The following DPP10 variants were observed in gnomAD, a reference collection of about 807,000 sequenced individuals.
DPP10 encodes the protein dipeptidyl peptidase like 10.
DPP10 carries 33 observed loss-of-function variants against 120.9 expected under a neutral mutation model. The observed-to-expected ratio is 0.27, with a 90% CI of 0.21 to 0.37. DPP10 has a LOEUF of 0.37. DPP10 is among the 10% of genes least tolerant of loss of function. The pLI, the probability that DPP10 is intolerant of heterozygous loss-of-function variation, is 1.00. For synonymous variants in DPP10, 337 were observed against 326.1 expected, an observed-to-expected ratio of 1.03 and a Z score of -0.36; for missense variants, 816 against 942.8, an observed-to-expected ratio of 0.87 and a Z score of 1.76.
At chr2:115,802,426 T>G (rs1482951672) in intron 19 of DPP10, among the ~76,000 whole-genome samples, 1 of 152,156 alleles carries the variant, frequency 6.6e-6, no homozygotes, top group African/African-American at 2.4e-5. Context: ...GTGTCTCTAT[T>G]TCTTTCAGTT....
At chr2:115,502,338 C>T (rs1447142403) in intron 4 of DPP10, among the ~76,000 whole-genome samples, 2 of 151,990 alleles carry the variant, frequency 1.3e-5, no homozygotes, top group Non-Finnish European at 2.9e-5. Flanking sequence ...AGGTGGATTT[C>T]TAATGAAAGG....
intron 1 of DPP10, among the ~76,000 whole-genome samples, chr2:115,277,521 T>C (rs2059970870): frequency 6.7e-6 from 1 of 148,312 alleles, no homozygotes. Flanking sequence ...TACATGACAT[T>C]ATGTTACAGA....
rs538477421 is a variant in DPP10 at position 114,607,866 on chromosome 2, T to G, written c.60+165028T>G. On this transcript the variant is annotated intron_variant, in intron 1 of 25. Coordinates refer to ENST00000410059, the MANE Select transcript of DPP10 (RefSeq NM_020868.6). ...GAGTGCCACCGCACCAACCCCAAAC[T>G]ATTGTTTCTGGACCCAGTGTGGTCT... Among the ~76,000 whole-genome samples the G allele has an allele frequency of 7.9e-5, 12 of 152,312 alleles. No homozygotes were observed. The South Asian group carries it at 2.5e-3, about 32-fold the overall frequency.
At chr2:115,267,664 C>T (rs962519254) in intron 1 of DPP10, among the ~76,000 whole-genome samples, 5 of 152,058 alleles carry the variant, frequency 3.3e-5, no homozygotes, top group African/African-American at 7.2e-5. Context: ...TTTCCTTCCT[C>T]GAGGCATTTG....
intron 1 of DPP10, among the ~76,000 whole-genome samples, chr2:114,651,708 C>A (rs1350061188): frequency 6.6e-6 from 1 of 151,938 alleles, no homozygotes; most frequent in African/African-American, 2.4e-5. Context: ...TCTGAGGATG[C>A]CACTTTTCTC....
At chr2:115,654,203 T>C (rs2149386564) in intron 5 of DPP10, among the ~76,000 whole-genome samples, 1 of 151,918 alleles carries the variant, frequency 6.6e-6, no homozygotes, top group South Asian at 2.1e-4. Flanking sequence ...TTATAATCTT[T>C]TATTTAACAT....
At chr2:114,926,804 A>T (rs1260950493) in intron 1 of DPP10, among the ~76,000 whole-genome samples, 1 of 151,782 alleles carries the variant, frequency 6.6e-6, no homozygotes, top group Non-Finnish European at 1.5e-5. Flanking sequence ...TTAAAGTGGC[A>T]CCAAGTCATA....
intron 4 of DPP10, 40 bp from the exon 5 acceptor site, chr2:115,525,858 G>A: frequency 3.4e-6 from 5 of 1,473,734 alleles, no homozygotes; most frequent in Non-Finnish European, 4.6e-6. Flanking sequence ...TTCATGTTAA[G>A]AAGTTTTTAA....
chr2:114,627,622 G>A lies in DPP10; in HGVS notation c.60+184784G>A, dbSNP rs115937524. On this transcript the variant is annotated intron_variant, in intron 1 of 25. Transcript: ENST00000410059. ...AGCTGGGATTTTTTTTAGGTAGGGG[G>A]AGGGAGCGGAAGTAAAAACAGAAGA... Among the ~76,000 whole-genome samples, 810 of 152,168 alleles carry A rather than the reference G, an allele frequency of 5.3e-3. 11 individuals are homozygous for A. Among genetic ancestry groups the A allele is most frequent in the African/African-American group, 0.019 (770 of 41,552 alleles).
intron 1 of DPP10, among the ~76,000 whole-genome samples, chr2:114,736,409 G>T (rs766310748): frequency 6.6e-6 from 1 of 152,176 alleles, no homozygotes; most frequent in Non-Finnish European, 1.5e-5. Flanking sequence ...TCTGATGAAT[G>T]AAGGAATGAA....
chr2:115,698,046 C>T (rs2091690077), intron 7 of DPP10, among the ~76,000 whole-genome samples: 1 of 152,084 alleles, frequency 6.6e-6, no homozygotes, highest in South Asian at 2.1e-4. Flanking sequence ...GTATACAGAA[C>T]ACTCAACCTA....
chr2:114,683,140 G>T (rs1173855343), intron 1 of DPP10, among the ~76,000 whole-genome samples: 1 of 151,908 alleles, frequency 6.6e-6, no homozygotes, highest in African/African-American at 2.4e-5. Context: ...ATACCTTATC[G>T]AGGTACAATA....
intron 19 of DPP10, among the ~76,000 whole-genome samples, chr2:115,813,302 C>G (rs1686863079): frequency 6.6e-6 from 1 of 152,148 alleles, no homozygotes; most frequent in African/African-American, 2.4e-5. Context: ...AGTCAAAGAT[C>G]AATGTGCCAG....
chr2:114,714,746 G>T (rs977089812), intron 1 of DPP10, among the ~76,000 whole-genome samples: 1 of 151,950 alleles, frequency 6.6e-6, no homozygotes, highest in East Asian at 1.9e-4. Context: ...GACACAATCC[G>T]AGTAAGTCTA....
intron 1 of DPP10, among the ~76,000 whole-genome samples, chr2:115,272,615 G>A (rs1343938735): frequency 6.6e-6 from 1 of 152,230 alleles, no homozygotes; most frequent in Non-Finnish European, 1.5e-5. Context: ...AATAGTTCAT[G>A]TAGTTATTCC....
At chr2:114,649,459 C>T (rs975845624) in intron 1 of DPP10, among the ~76,000 whole-genome samples, 4 of 151,988 alleles carry the variant, frequency 2.6e-5, no homozygotes, top group Non-Finnish European at 5.9e-5. Context: ...CGCCATTCTC[C>T]TGCCTGATTC....
intron 1 of DPP10, among the ~76,000 whole-genome samples, chr2:114,522,002 C>A (rs866396809): frequency 3.4e-5 from 4 of 117,482 alleles, no homozygotes; most frequent in Non-Finnish European, 5.3e-5. Flanking sequence ...TTTTTTGAGA[C>A]GGAGTCTCGC....
intron 5 of DPP10, among the ~76,000 whole-genome samples, chr2:115,654,204 T>C (rs1026649788): frequency 6.6e-6 from 1 of 151,806 alleles, no homozygotes; most frequent in African/African-American, 2.4e-5. Flanking sequence ...TATAATCTTT[T>C]ATTTAACATA....
At chr2:115,480,461 A>AG (rs544843339) in intron 3 of DPP10, among the ~76,000 whole-genome samples, 2 of 152,086 alleles carry the variant, frequency 1.3e-5, no homozygotes, top group South Asian at 4.1e-4. Flanking sequence ...TAGTTTATTG[A>AG]GATTGAAAAA....
Sources: gnomAD v4.1 joint callset for allele counts (sites outside exome capture counted in the v4.1 genomes callset) on GRCh38, gnomAD v4.1.1 for gene constraint, MANE v1.5 for transcripts, NCBI Gene and HGNC (gene_info 2026-07-23, HGNC 2026-07-21) for gene names.